LIG3: variants seen among roughly 807,000 people sequenced by gnomAD.
LIG3 encodes the protein DNA ligase 3.
A neutral mutation model predicts 110.9 loss-of-function variants in LIG3; 58 were observed. The observed-to-expected ratio is 0.52, with a 90% CI of 0.42 to 0.65. The LOEUF is 0.65. Among genes scored for constraint, LIG3 ranks in the 30% least tolerant of loss-of-function variants. LIG3 has a pLI of 0.00. For missense variants in LIG3, 1,094 were observed against 1,273.8 expected (o/e 0.86, Z 2.15); for synonymous variants, 422 against 472.8 (o/e 0.89, Z 1.39).
intron 8 of LIG3, 101 bp downstream of exon 8, chr17:34,992,793 T>G: frequency 8.4e-7 from 1 of 1,194,064 alleles, no homozygotes; most frequent in South Asian, 2.0e-5. Context: ...ACTTGCAAAT[T>G]GACTGGAGAA....
intron 11 of LIG3, 168 bp from the exon 12 acceptor site, chr17:34,997,570 T>C (rs972877156): frequency 3.4e-6 from 2 of 594,238 alleles, no homozygotes; most frequent in Admixed American, 2.8e-5. Flanking sequence ...TCGGTCACGA[T>C]GGAGCCCTTG....
In LIG3 at chr17:34,983,141, G is replaced by A. The variant is rs1336226073; in HGVS notation, c.136G>A (p.Gly46Arg). Residue 46 changes from glycine to arginine, a missense_variant, in exon 2 of 20, where the codon GGA becomes AGA. Transcript: ENST00000378526. The stretch of plus-strand genomic sequence containing the variant: ...GTGGTCAGAAACAGATCTGCTTCAT[G>A]GACATCCCCTCTTCCTGAGAAGAAA... ...SQWSETDLLH[G>R]HPLFLRRKPV... 1.2e-6 allele frequency: 2 copies of A among 1,614,014 alleles called. No homozygotes were observed. The highest frequency in any genetic ancestry group is 1.7e-6 in the Non-Finnish European group (2 of 1,180,026).
At chr17:34,990,892 C>A in intron 4 of LIG3, 71 bp from the exon 5 acceptor site, 5 of 1,506,194 alleles carry the variant, frequency 3.3e-6, no homozygotes, top group Non-Finnish European at 4.6e-6. Flanking sequence ...CCACCTTGCC[C>A]AGCCTTCTTT....
At chr17:34,999,146 C>G in intron 14 of LIG3, 161 bp from the exon 15 acceptor site, 1 of 765,666 alleles carries the variant, frequency 1.3e-6, no homozygotes. Context: ...GAAATTGGGG[C>G]TTATAAAGGT....
intron 2 of LIG3, among the ~76,000 whole-genome samples, chr17:34,985,662 A>G (rs566867593): frequency 9.8e-5 from 15 of 152,350 alleles, no homozygotes; most frequent in African/African-American, 3.4e-4. Flanking sequence ...CCATCAAACT[A>G]TGATTTCTGA....
intron 10 of LIG3, 58 bp from the exon 11 acceptor site, chr17:34,996,516 T>TTTTCACACTG: frequency 7.1e-7 from 1 of 1,403,810 alleles, no homozygotes; most frequent in Non-Finnish European, 1.0e-6. Flanking sequence ...TGGTACTCCT[T>TTTTCACACTG]ATTTTTTCAC....
chr17:34,997,816 G>A lies in LIG3; in HGVS notation c.1902G>A (p.Lys634=), dbSNP rs767753043. The change falls in exon 12 of 20, where the codon AAG becomes AAA. Residue 634 remains lysine (K), a synonymous_variant. Transcript: ENST00000378526. The stretch of plus-strand genomic sequence containing the variant: ...ACCGGATCATGTTCTCAGAAATGAA[G>A]CGAGTCACAGTAAGTGAAGACCCTA... ...IPNRIMFSEM[K]RVTKALDLAD... The A allele has an allele frequency of 6.2e-6, 10 of 1,613,824 alleles. No individual in the cohort carries two copies. The highest frequency in any genetic ancestry group is 7.6e-6 in the Non-Finnish European group (9 of 1,179,694).
chr17:34,991,964 A>G lies in LIG3; in HGVS notation c.1215A>G (p.Thr405=), dbSNP rs1323318552. The change falls in exon 7 of 20, where the codon ACA becomes ACG. Residue 405 remains threonine (T), a synonymous_variant. Transcript: ENST00000378526. ...QALQDIASRC[T]ANDLKCIIRL... is the part of the protein sequence containing the mutation. ...ATGTGCTTCATCCCCCTAGGTGTACAGCCAATGACCTTAAATGCATCATCA... is the reference window on the plus strand; with the variant it reads ...ATGTGCTTCATCCCCCTAGGTGTACGGCCAATGACCTTAAATGCATCATCA... The G allele has an allele frequency of 4.3e-6, 7 of 1,613,988 alleles. No individual in the cohort carries two copies. The highest frequency in any genetic ancestry group is 2.7e-5 in the African/African-American group (2 of 74,940).
In LIG3 at chr17:35,002,073, A is replaced by T; in HGVS notation, c.2643A>T (p.Glu881Asp). The change falls in exon 18 of 20, where the codon GAA becomes GAT. Residue 881 changes from glutamate (E) to aspartate (D), a missense_variant. Coordinates refer to ENST00000378526, the MANE Select transcript of LIG3 (RefSeq NM_013975.4). ...CCTCAGCCAGTACCAAGAAAGCAGA[A>T]GGGAAGCTGAGTAACTCCAACAGCA... is the stretch of plus-strand genomic sequence containing the variant. ...SKPSASTKKA[E>D]GKLSNSNSKD... 6.3e-7 allele frequency: 1 copy of T among 1,593,734 alleles called. No homozygotes were observed. The highest frequency in any genetic ancestry group is 1.1e-5 in the South Asian group (1 of 88,764).
rs1266074782 is a variant in LIG3, at chr17:35,006,158, A to G, written c.*1652A>G. ...TTGAAGAACAAAAGGAAGAGAGACA[A>G]TTTAGTGTAGACAAGTGCTATTCAA... On this transcript the variant is annotated 3_prime_UTR_variant, in exon 20 of 20. Coordinates refer to ENST00000378526, the MANE Select transcript of LIG3 (RefSeq NM_013975.4). The G allele has an allele frequency of 6.2e-6, 1 of 162,366 alleles. No homozygotes were observed. The highest frequency in any genetic ancestry group is 1.3e-5 in the Non-Finnish European group (1 of 74,250). The allele number at this position is 162,366 out of a possible 1,614,324, so 10.1% of individuals were successfully genotyped here.
chr17:35,000,281 G>A (rs1026407495), intron 16 of LIG3, among the ~76,000 whole-genome samples: 11 of 152,174 alleles, frequency 7.2e-5, no homozygotes, highest in South Asian at 2.1e-4. Context: ...TTTTTGAGAC[G>A]GAGTTTCACT....
intron 18 of LIG3, 149 bp from the exon 19 acceptor site, chr17:35,002,519 G>A: frequency 1.3e-6 from 1 of 774,780 alleles, no homozygotes; most frequent in South Asian, 1.8e-5. Context: ...GTTTTTTAGA[G>A]ACAGGGTCTC....
intron 12 of LIG3, 28 bp downstream of exon 12, chr17:34,997,853 G>A (rs754795002): frequency 1.3e-6 from 2 of 1,568,840 alleles, no homozygotes; most frequent in East Asian, 4.5e-5. Flanking sequence ...GCTAGGCAGT[G>A]TCCTAGAAGT....
intron 9 of LIG3, 91 bp from the exon 10 acceptor site, chr17:34,995,973 C>T (rs2090773275): frequency 1.3e-6 from 2 of 1,492,444 alleles, no homozygotes; most frequent in African/African-American, 2.8e-5. Flanking sequence ...TGTTCTATAT[C>T]CTGTCTGGGC....
Position 34,990,966 on chromosome 17 carries a change from GT to G in LIG3, c.896del (p.Phe299SerfsTer7). 1 of 1,613,834 alleles carries G rather than the reference GT, an allele frequency of 6.2e-7. No homozygotes were observed. Among genetic ancestry groups the G allele is most frequent in the Non-Finnish European group, 8.5e-7 (1 of 1,179,820 alleles). ...GAAGGGTTCCTTCTGTCTCCAGATG[GT>G]TTCCACGGTGATGTGTACCTAACAG... ...DFLRKGSAGD[G>X]FHGDVYLTVK... On this transcript the variant is annotated frameshift_variant, in exon 5 of 20. Transcript: ENST00000378526. LOFTEE classifies it high-confidence loss of function.
At chr17:34,999,192 G>A (rs2090813324) in intron 14 of LIG3, 115 bp from the exon 15 acceptor site, 1 of 1,200,508 alleles carries the variant, frequency 8.3e-7, no homozygotes, top group Non-Finnish European at 1.2e-6. Context: ...AGCTCCAAGA[G>A]GTAAACTCTG....
At position 35,004,413 on chromosome 17, in the gene LIG3, G is replaced by A; in HGVS notation, c.2937G>A (p.Leu979=). 1 of 1,614,204 alleles carries A rather than the reference G, an allele frequency of 6.2e-7. No homozygotes were observed. The highest frequency in any genetic ancestry group is 8.5e-7 in the Non-Finnish European group (1 of 1,180,052). ...EFDMTSATHV[L]GSRDKNPAAQ... ...ATATGACTTCAGCCACGCACGTGCT[G>A]GGTAGCAGGGACAAGAACCCTGCGG... Residue 979 remains leucine, a synonymous_variant, in exon 20 of 20, where the codon CTG becomes CTA. Transcript: ENST00000378526.
rs187881525 is a variant in LIG3, at chr17:34,983,079, G to A, written c.74G>A (p.Arg25Gln). ...AGCCGAAAAGAACTGTGCCTATTCC[G>A]AAAACATCACTGGCGTGATGTAAGA... Reference protein sequence around the residue: ...ALSRKELCLFRKHHWRDVRQF... With the variant: ...ALSRKELCLFQKHHWRDVRQF... The change falls in exon 2 of 20, where the codon CGA becomes CAA. Residue 25 changes from arginine to glutamine, a missense_variant. Arg to Gln is a conservative substitution (Grantham distance 43). Coordinates refer to ENST00000378526, the MANE Select transcript of LIG3 (RefSeq NM_013975.4). 6.4e-5 allele frequency: 104 copies of A among 1,613,154 alleles called. No homozygotes were observed. In the Admixed American group the frequency reaches 1.3e-3, roughly 19 times the overall value.
chr17:34,994,625 A>G (rs1235617824), intron 9 of LIG3, among the ~76,000 whole-genome samples, 194 bp downstream of exon 9: 1 of 152,202 alleles, frequency 6.6e-6, no homozygotes, highest in Non-Finnish European at 1.5e-5. Context: ...GGAGAGCCAA[A>G]GAGCCCTGAC....
Sources: allele counts gnomAD v4.1 joint callset (sites outside exome capture counted in the v4.1 genomes callset), GRCh38; gene constraint gnomAD v4.1.1; transcripts MANE v1.5; gene names NCBI Gene and HGNC (gene_info 2026-07-23, HGNC 2026-07-21).